Variants in CCDC150 observed in about 807,000 individuals in gnomAD.
CCDC150 encodes coiled-coil domain containing 150, also known as coiled-coil domain-containing protein 150.
CCDC150 carries 151 observed loss-of-function variants against 156.5 expected under a neutral mutation model. That is an observed-to-expected ratio of 0.97 (90% CI 0.85 to 1.10). The LOEUF (loss-of-function observed/expected upper bound fraction) is 1.10, where lower values mean the gene tolerates loss of function less well. Among genes scored for constraint, CCDC150 ranks in the 50% least tolerant of loss-of-function variants. The pLI, the probability that CCDC150 is intolerant of heterozygous loss-of-function variation, is 0.00. For missense variants in CCDC150, 1,312 were observed against 1,268.1 expected (o/e 1.03, Z -0.53); for synonymous variants, 452 against 429.4 (o/e 1.05, Z -0.65).
intron 5 of CCDC150, among the ~76,000 whole-genome samples, chr2:196,662,371 G>GT (rs1553551539): frequency 2.0e-5 from 3 of 152,202 alleles, no homozygotes; most frequent in Non-Finnish European, 4.4e-5. Flanking sequence ...TTGGAAGACA[G>GT]TTTTTCCATG....
chr2:196,642,639 G>C (rs1692297697), intron 1 of CCDC150, among the ~76,000 whole-genome samples: 2 of 152,208 alleles, frequency 1.3e-5, no homozygotes, highest in South Asian at 4.1e-4. Context: ...GGACTCTCCT[G>C]ACCTTGGCAT....
At chr2:196,676,410 C>T (rs1360930916) in intron 11 of CCDC150, 143 bp downstream of exon 11, 1 of 1,315,626 alleles carries the variant, frequency 7.6e-7, no homozygotes, top group African/African-American at 1.5e-5. Flanking sequence ...AATAAAGACT[C>T]TGCCCTCAAG....
At chr2:196,678,748 CA>C (rs1247262068) in intron 13 of CCDC150, among the ~76,000 whole-genome samples, 4 of 151,892 alleles carry the variant, frequency 2.6e-5, no homozygotes, top group South Asian at 2.1e-4. Flanking sequence ...ACTAAAAATA[CA>C]AAAAAAATTA....
Position 196,719,113 on chromosome 2 carries a change from T to C in CCDC150, c.1996-384T>C, listed in dbSNP as rs1231919586. On this transcript the variant is annotated intron_variant, in intron 18 of 27. Transcript: ENST00000389175. ...GCAGCTTCCACTTTCTCTTACAGTCTTTTTTTCTCAGATAATTCTAATGCG... is the reference window on the plus strand; with the variant it reads ...GCAGCTTCCACTTTCTCTTACAGTCCTTTTTTCTCAGATAATTCTAATGCG... 1.3e-5 allele frequency among the ~76,000 whole-genome samples: 2 copies of C among 152,186 alleles called. 1 individual carries two copies. The highest frequency in any genetic ancestry group is 2.9e-5 in the Non-Finnish European group (2 of 68,032).
chr2:196,702,732 G>A (rs186881482), intron 15 of CCDC150, among the ~76,000 whole-genome samples: 112 of 151,798 alleles, frequency 7.4e-4, no homozygotes, highest in African/African-American at 2.6e-3. Context: ...ATAGTATGAA[G>A]TGAAGCCCAG....
At chr2:196,664,348 T>C (rs1181565256) in intron 5 of CCDC150, among the ~76,000 whole-genome samples, 2 of 152,234 alleles carry the variant, frequency 1.3e-5, no homozygotes, top group African/African-American at 2.4e-5. Flanking sequence ...GTTCCCATGA[T>C]GCCCCTCTGC....
Position 196,646,380 on chromosome 2 carries a change from C to G in CCDC150, c.52C>G (p.Pro18Ala). The G allele has an allele frequency of 6.2e-7, 1 of 1,613,880 alleles. No homozygotes were observed. The highest frequency in any genetic ancestry group is 2.2e-5 in the East Asian group (1 of 44,884). The change falls in exon 2 of 28, where the codon CCA becomes GCA. Residue 18 changes from proline (P) to alanine (A), a missense_variant. Transcript: ENST00000389175. ...ETTVSRPVLS[P>A]THINATASET... Reference sequence around the variant, plus strand: ...TACAGTGTCCAGACCGGTCCTTTCTCCAACCCACATCAACGCTACAGCTTC... The same window carrying G: ...TACAGTGTCCAGACCGGTCCTTTCTGCAACCCACATCAACGCTACAGCTTC...
chr2:196,728,085 ACAGTGAGAGAGTGACAG>A (rs1698316616), intron 22 of CCDC150: 1 of 152,074 alleles, frequency 6.6e-6, no homozygotes, highest in South Asian at 2.1e-4. Context: ...ACAGTGGAGA[ACAGTGAGAGAGTGACAG>A]CAGTGAGAAG....
chr2:196,687,093 A>G (rs976077685), intron 13 of CCDC150, among the ~76,000 whole-genome samples: 6 of 152,134 alleles, frequency 3.9e-5, no homozygotes, highest in African/African-American at 1.4e-4. Flanking sequence ...TATCTTTATA[A>G]TAGAATGATG....
chr2:196,729,110 A>T (rs1698388565), intron 22 of CCDC150, 83 bp from the exon 23 acceptor site: 1 of 1,206,442 alleles, frequency 8.3e-7, no homozygotes, highest in African/African-American at 1.5e-5. Flanking sequence ...AGATCCAAAG[A>T]TGATAAAATA....
chr2:196,692,676 T>C (rs1695565004), intron 13 of CCDC150, among the ~76,000 whole-genome samples: 1 of 152,232 alleles, frequency 6.6e-6, no homozygotes, highest in Non-Finnish European at 1.5e-5. Flanking sequence ...TTGATCGTGT[T>C]GTGGTCCAAG....
chr2:196,729,502 A>G, intron 23 of CCDC150, 115 bp downstream of exon 23: 1 of 987,910 alleles, frequency 1.0e-6, no homozygotes, highest in South Asian at 1.5e-5. Flanking sequence ...TTCTCTGGGA[A>G]TTATAGCCAG....
At chr2:196,705,775 G>C (rs1488658751) in intron 15 of CCDC150, among the ~76,000 whole-genome samples, 5 of 152,150 alleles carry the variant, frequency 3.3e-5, no homozygotes, top group African/African-American at 4.8e-5. Context: ...CATATGGCTA[G>C]CCAGTTTTCC....
intron 7 of CCDC150, among the ~76,000 whole-genome samples, chr2:196,668,269 C>T (rs1053278592): frequency 1.4e-5 from 2 of 139,120 alleles, no homozygotes; most frequent in Non-Finnish European, 3.0e-5. Flanking sequence ...TGCACTCCAG[C>T]CTGGGCGACA....
chr2:196,718,975 T>C (rs1317878655), intron 18 of CCDC150, among the ~76,000 whole-genome samples: 1 of 152,230 alleles, frequency 6.6e-6, no homozygotes, highest in Non-Finnish European at 1.5e-5. Flanking sequence ...TGCTTTCTCC[T>C]TAACAGTGTG....
At chr2:196,721,452 T>G (rs1025916197) in intron 20 of CCDC150, 70 bp from the exon 21 acceptor site, 13 of 1,194,688 alleles carry the variant, frequency 1.1e-5, no homozygotes, top group African/African-American at 1.7e-5. Context: ...TGAGGAGTGA[T>G]TACACAGTGT....
intron 22 of CCDC150, chr2:196,726,766 G>A (rs1054212137): frequency 2.6e-5 from 4 of 152,300 alleles, no homozygotes; most frequent in African/African-American, 9.7e-5. Flanking sequence ...ATGAAAAGTA[G>A]CCTTTCTTGA....
intron 14 of CCDC150, among the ~76,000 whole-genome samples, chr2:196,698,711 T>G (rs1266238627): frequency 1.3e-5 from 2 of 152,338 alleles, no homozygotes; most frequent in East Asian, 3.9e-4. Context: ...AAATTATACT[T>G]TAAGTTTTAG....
intron 2 of CCDC150, among the ~76,000 whole-genome samples, chr2:196,648,629 CT>C (rs1692684262): frequency 6.6e-6 from 1 of 152,064 alleles, no homozygotes; most frequent in Non-Finnish European, 1.5e-5. Flanking sequence ...GTGCAGAAGA[CT>C]TTTAGTTTGA....
Sources: allele counts gnomAD v4.1 joint callset (sites outside exome capture counted in the v4.1 genomes callset), GRCh38; gene constraint gnomAD v4.1.1; transcripts MANE v1.5; gene names NCBI Gene and HGNC (gene_info 2026-07-23, HGNC 2026-07-21).